The following LEF1 variants were observed in gnomAD, a reference collection of about 807,000 sequenced individuals.
LEF1 encodes lymphoid enhancer binding factor 1.
Under a neutral mutation model 51.2 loss-of-function variants are expected in LEF1, and 14 were observed. The observed-to-expected ratio is 0.27, with a 90% CI of 0.18 to 0.43. The LOEUF (loss-of-function observed/expected upper bound fraction) is 0.43. LEF1 is among the 20% of genes least tolerant of loss of function. The pLI is 1.00. For missense variants in LEF1, 386 were observed against 512.0 expected (o/e 0.75, Z 2.37); for synonymous variants, 185 against 183.2 (o/e 1.01, Z -0.08).
intron 3 of LEF1, among the ~76,000 whole-genome samples, chr4:108,134,859 C>A (rs1743150149): frequency 6.6e-6 from 1 of 152,218 alleles, no homozygotes; most frequent in Admixed American, 6.5e-5. Flanking sequence ...CTTTCATATA[C>A]TCAAAGGGTA....
At chr4:108,112,606 C>T (rs112538661) in intron 3 of LEF1, among the ~76,000 whole-genome samples, 1 of 152,128 alleles carries the variant, frequency 6.6e-6, no homozygotes. Context: ...GATGACAGTA[C>T]CTATTTCATA....
At chr4:108,089,061 G>A in intron 4 of LEF1, 64 bp downstream of exon 4, 1 of 1,597,540 alleles carries the variant, frequency 6.3e-7, no homozygotes, top group Non-Finnish European at 8.6e-7. Context: ...AGGTCACTCA[G>A]GCTGATGAGA....
intron 11 of LEF1, among the ~76,000 whole-genome samples, chr4:108,063,413 T>C (rs1167803698): frequency 1.3e-5 from 2 of 152,184 alleles, no homozygotes; most frequent in Non-Finnish European, 1.5e-5. Flanking sequence ...CCAAAGAGGA[T>C]AGAAGAGAAA....
intron 11 of LEF1, 170 bp from the exon 12 acceptor site, chr4:108,048,921 G>C (rs539385970): frequency 6.6e-6 from 3 of 453,956 alleles, no homozygotes; most frequent in Non-Finnish European, 1.2e-5. Context: ...AATCCTGAGA[G>C]TACACTACAG....
At chr4:108,148,722 T>C (rs1744144784) in intron 3 of LEF1, among the ~76,000 whole-genome samples, 1 of 152,216 alleles carries the variant, frequency 6.6e-6, no homozygotes, top group Non-Finnish European at 1.5e-5. Flanking sequence ...GAAAACATTC[T>C]TTAGGATTTA....
In LEF1 at chr4:108,061,218, G is replaced by T. The variant is rs988798553; in HGVS notation, c.*6+2405C>A. Among the ~76,000 whole-genome samples the T allele has an allele frequency of 2.0e-5, 3 of 152,122 alleles. No homozygotes were observed. The South Asian group carries it at 6.2e-4, about 32-fold the overall frequency. On this transcript the variant is annotated intron_variant, in intron 11 of 11. Coordinates refer to ENST00000265165, the MANE Select transcript of LEF1 (RefSeq NM_016269.5). The stretch of plus-strand genomic sequence containing the variant: ...GCGGGATGGCCTGAGAATGTTTTAG[G>T]GGGGTAGGGTGGAGAGAGAGGGTTA...
At chr4:108,125,203 G>A (rs1048740426) in intron 3 of LEF1, among the ~76,000 whole-genome samples, 4 of 151,718 alleles carry the variant, frequency 2.6e-5, no homozygotes, top group African/African-American at 7.3e-5. Context: ...TTGCTCTATC[G>A]CCCAGGCTGG....
chr4:108,075,296 C>T (rs1015226465), intron 8 of LEF1: 5 of 152,216 alleles, frequency 3.3e-5, no homozygotes, highest in African/African-American at 1.2e-4. Flanking sequence ...GGGCCTGCTT[C>T]CCTCCTGTTC....
intron 3 of LEF1, among the ~76,000 whole-genome samples, chr4:108,157,193 CACACACACACACACACACACACACACAA>C (rs1744781343): frequency 6.7e-6 from 1 of 148,836 alleles, no homozygotes; most frequent in African/African-American, 2.5e-5. Context: ...CACACACACA[CACACACACACACACACACACACACACAA>C]ACACACATAT....
intron 4 of LEF1, among the ~76,000 whole-genome samples, chr4:108,087,190 T>C (rs1236828349): frequency 6.6e-6 from 1 of 152,204 alleles, no homozygotes; most frequent in Non-Finnish European, 1.5e-5. Flanking sequence ...CTCAGTATCA[T>C]GGAAGTGAGT....
intron 3 of LEF1, among the ~76,000 whole-genome samples, chr4:108,156,584 C>T (rs1350797098): frequency 6.6e-6 from 1 of 152,190 alleles, no homozygotes; most frequent in African/African-American, 2.4e-5. Flanking sequence ...GCTAGGCTGA[C>T]TGTAACTAAC....
chr4:108,053,288 C>T (rs1027248802), intron 11 of LEF1, among the ~76,000 whole-genome samples: 1 of 152,206 alleles, frequency 6.6e-6, no homozygotes, highest in Non-Finnish European at 1.5e-5. Context: ...AGCTCCTTGA[C>T]AGTAAACATT....
At chr4:108,107,308 A>G (rs1466886652) in intron 3 of LEF1, among the ~76,000 whole-genome samples, 1 of 151,490 alleles carries the variant, frequency 6.6e-6, no homozygotes, top group Non-Finnish European at 1.5e-5. Context: ...ACACAGATCT[A>G]GCAGCCTGAC....
At chr4:108,110,106 G>A (rs901356962) in intron 3 of LEF1, among the ~76,000 whole-genome samples, 8 of 152,204 alleles carry the variant, frequency 5.3e-5, no homozygotes, top group Admixed American at 3.9e-4. Flanking sequence ...TCCAGTAGGA[G>A]GGGAGATGCA....
intron 9 of LEF1, among the ~76,000 whole-genome samples, chr4:108,065,268 C>T (rs1204585693): frequency 3.3e-5 from 5 of 152,162 alleles, no homozygotes; most frequent in East Asian, 1.9e-4. Flanking sequence ...GAGCAGATCA[C>T]GAGGTCAGGA....
intron 8 of LEF1, among the ~76,000 whole-genome samples, chr4:108,077,833 G>T (rs781002985): frequency 2.0e-5 from 3 of 152,194 alleles, no homozygotes; most frequent in Non-Finnish European, 4.4e-5. Context: ...CCCCAAGTTT[G>T]CATTTTCAAC....
intron 9 of LEF1, among the ~76,000 whole-genome samples, chr4:108,066,465 G>A (rs1328542300): frequency 6.6e-6 from 1 of 152,160 alleles, no homozygotes; most frequent in East Asian, 1.9e-4. Flanking sequence ...CTGCATGACT[G>A]AATGCCTCAC....
chr4:108,093,172 T>G (rs1257603207), intron 3 of LEF1, among the ~76,000 whole-genome samples: 2 of 152,086 alleles, frequency 1.3e-5, no homozygotes, highest in Non-Finnish European at 1.5e-5. Flanking sequence ...AGGACTACTG[T>G]ATAAAATAGT....
At chr4:108,152,317 T>C (rs555502790) in intron 3 of LEF1, among the ~76,000 whole-genome samples, 47 of 152,244 alleles carry the variant, frequency 3.1e-4, no homozygotes, top group African/African-American at 1.0e-3. Context: ...TGTAACTGAA[T>C]CATAAGCTGC....
Sources: allele counts gnomAD v4.1 joint callset (sites outside exome capture counted in the v4.1 genomes callset), GRCh38; gene constraint gnomAD v4.1.1; transcripts MANE v1.5; gene names NCBI Gene and HGNC (gene_info 2026-07-23, HGNC 2026-07-21).